PIGU: variants seen among roughly 807,000 people sequenced by gnomAD.
PIGU encodes the protein GPI-anchor transamidase component PIGU.
In PIGU, 24 loss-of-function variants were observed where a neutral mutation model predicts 49.9. The observed-to-expected ratio is 0.48, with a 90% CI of 0.35 to 0.68. The LOEUF is 0.68. Ranked by LOEUF, PIGU falls within the 30% of genes least tolerant of loss-of-function variation. PIGU has a pLI of 0.01. For synonymous variants in PIGU, 220 were observed against 205.7 expected, an observed-to-expected ratio of 1.07 and a Z score of -0.59; for missense variants, 490 against 532.6, an observed-to-expected ratio of 0.92 and a Z score of 0.79.
chr20:34,651,252 C>A (rs1986533005), intron 2 of PIGU, among the ~76,000 whole-genome samples: 1 of 152,180 alleles, frequency 6.6e-6, no homozygotes, highest in African/African-American at 2.4e-5. Context: ...AAGGCAAGTC[C>A]TTTACCAGAG....
intron 8 of PIGU, among the ~76,000 whole-genome samples, chr20:34,587,316 G>C (rs1983735639): frequency 6.6e-6 from 1 of 152,158 alleles, no homozygotes; most frequent in Non-Finnish European, 1.5e-5. Context: ...TCCAGCTAGA[G>C]CTATGAAAAC....
chr20:34,643,986 A>C (rs1986248196), intron 4 of PIGU, 178 bp downstream of exon 4: 3 of 500,606 alleles, frequency 6.0e-6, no homozygotes, highest in Non-Finnish European at 1.1e-5. Flanking sequence ...TCTGTTAGTA[A>C]AGCTGTCTTG....
In PIGU at chr20:34,637,925, T is replaced by A. The variant is rs746073912; in HGVS notation, c.379A>T (p.Ile127Phe). The change falls in exon 5 of 12, where the codon ATC becomes TTC. Residue 127 changes from isoleucine to phenylalanine, a missense_variant. Transcript: ENST00000217446. The stretch of plus-strand genomic sequence containing the variant: ...TAACGCATTTCCATAGGGGTCCGGA[T>A]GAGTTCGGCCACATCTGGGGCATAC... ...DQYAPDVAEL[I>F]RTPMEMRYIP... 1.9e-6 allele frequency: 3 copies of A among 1,609,580 alleles called. No homozygotes were observed. Among genetic ancestry groups the A allele is most frequent in the Admixed American group, 3.4e-5 (2 of 59,320 alleles).
At chr20:34,606,676 T>C (rs771303236) in intron 7 of PIGU, among the ~76,000 whole-genome samples, 2 of 152,200 alleles carry the variant, frequency 1.3e-5, no homozygotes, top group Non-Finnish European at 2.9e-5. Flanking sequence ...ACTATATATA[T>C]CATGTCAAGT....
At position 34,585,547 on chromosome 20, in the gene PIGU, A is replaced by G; in HGVS notation, c.816T>C (p.Gly272=). 6.2e-7 allele frequency: 1 copy of G among 1,613,882 alleles called. No homozygotes were observed. The highest frequency in any genetic ancestry group is 8.5e-7 in the Non-Finnish European group (1 of 1,179,702). ...TCTCTGCAAAGAAGTACCAGAAAAG[A>G]CCAATGTTTGGAGTGAGATCTGGAA... ...LSVPDLTPNI[G]LFWYFFAEMF... The change falls in exon 9 of 12, where the codon GGT becomes GGC. Residue 272 remains glycine (G), a synonymous_variant. Transcript: ENST00000217446.
chr20:34,640,366 T>G (rs1207705197), intron 4 of PIGU, among the ~76,000 whole-genome samples: 1 of 152,164 alleles, frequency 6.6e-6, no homozygotes, highest in East Asian at 1.9e-4. Context: ...ATGGCTCTCC[T>G]CATAGGCCCA....
At chr20:34,601,306 G>A (rs554957816) in intron 7 of PIGU, among the ~76,000 whole-genome samples, 2 of 152,238 alleles carry the variant, frequency 1.3e-5, no homozygotes, top group East Asian at 1.9e-4. Flanking sequence ...TTTGCTTGGG[G>A]AACAGGGCCC....
chr20:34,673,780 C>T (rs769840125), intron 1 of PIGU, among the ~76,000 whole-genome samples: 3 of 152,170 alleles, frequency 2.0e-5, no homozygotes, highest in East Asian at 1.9e-4. Flanking sequence ...CTTGGCCGGG[C>T]GTGGTGGCTC....
intron 7 of PIGU, among the ~76,000 whole-genome samples, 155 bp downstream of exon 7, chr20:34,615,887 T>G (rs1416581194): frequency 6.6e-6 from 1 of 152,176 alleles, no homozygotes; most frequent in Non-Finnish European, 1.5e-5. Flanking sequence ...GTCCACTTTG[T>G]TTAAAGTTAG....
At chr20:34,662,376 C>A (rs1355863356) in intron 1 of PIGU, among the ~76,000 whole-genome samples, 1 of 151,280 alleles carries the variant, frequency 6.6e-6, no homozygotes, top group African/African-American at 2.4e-5. Context: ...AGGTATGAGC[C>A]ACCATGCCCA....
chr20:34,625,669 C>T (rs370484114), intron 6 of PIGU, among the ~76,000 whole-genome samples: 3 of 145,916 alleles, frequency 2.1e-5, no homozygotes, highest in African/African-American at 7.6e-5. Context: ...TCCGAGATTG[C>T]ACCACTGCAC....
intron 11 of PIGU, among the ~76,000 whole-genome samples, chr20:34,563,474 A>T (rs1184950090): frequency 1.3e-5 from 2 of 152,214 alleles, no homozygotes; most frequent in Non-Finnish European, 2.9e-5. Context: ...GGCTGAAGGC[A>T]GGAGAATGGT....
At chr20:34,658,436 A>G (rs1451472613) in intron 1 of PIGU, among the ~76,000 whole-genome samples, 1 of 150,098 alleles carries the variant, frequency 6.7e-6, no homozygotes, top group Non-Finnish European at 1.5e-5. Flanking sequence ...AGTGAGGAGC[A>G]TCTCTGCCTG....
At chr20:34,613,555 A>G (rs1360743525) in intron 7 of PIGU, among the ~76,000 whole-genome samples, 2 of 152,196 alleles carry the variant, frequency 1.3e-5, no homozygotes, top group Non-Finnish European at 2.9e-5. Context: ...CTCAGAAACC[A>G]TTTTTAAATT....
chr20:34,611,648 G>GAAAAAAAAAAAAAAAAAAAAAA (rs146531122), intron 7 of PIGU, among the ~76,000 whole-genome samples: 3 of 65,006 alleles, frequency 4.6e-5, no homozygotes, highest in African/African-American at 1.1e-4. Flanking sequence ...TCAAGTCTCA[G>GAAAAAAAAAAAAAAAAAAAAAA]AAAAAAAAAA....
intron 1 of PIGU, among the ~76,000 whole-genome samples, chr20:34,658,758 A>G (rs1006092473): frequency 1.4e-5 from 2 of 146,452 alleles, no homozygotes; most frequent in Non-Finnish European, 3.0e-5. Flanking sequence ...TCCGCCCGGC[A>G]GCCGCCCCGT....
In PIGU at chr20:34,667,044, G is replaced by A. The variant is rs149302540; in HGVS notation, c.131-9800C>T. 2.8e-3 allele frequency among the ~76,000 whole-genome samples: 420 copies of A among 151,952 alleles called. 1 individual carries two copies. The highest frequency in any genetic ancestry group is 9.6e-3 in the African/African-American group (399 of 41,438). ...TTTTGTAGAGATGGGGTCCTGCTATGTTGCTCAGGCTGGTCTCAAACTCCC... is the reference window on the plus strand; with the variant it reads ...TTTTGTAGAGATGGGGTCCTGCTATATTGCTCAGGCTGGTCTCAAACTCCC... On this transcript the variant is annotated intron_variant, in intron 1 of 11. Coordinates refer to ENST00000217446, the MANE Select transcript of PIGU (RefSeq NM_080476.5).
intron 6 of PIGU, 136 bp downstream of exon 6, chr20:34,634,479 G>GT: frequency 7.6e-7 from 1 of 1,310,274 alleles, no homozygotes; most frequent in South Asian, 1.9e-5. Context: ...AAATAATCTT[G>GT]TATTACTTGT....
intron 2 of PIGU, among the ~76,000 whole-genome samples, chr20:34,654,348 A>G (rs1281266141): frequency 8.9e-6 from 1 of 112,988 alleles, no homozygotes; most frequent in Non-Finnish European, 1.9e-5. Flanking sequence ...CTATAACTCC[A>G]GCTACTTGGG....
Sources: gnomAD v4.1 joint callset for allele counts (sites outside exome capture counted in the v4.1 genomes callset) on GRCh38, gnomAD v4.1.1 for gene constraint, MANE v1.5 for transcripts, NCBI Gene and HGNC (gene_info 2026-07-23, HGNC 2026-07-21) for gene names.